The following NEK6 variants were observed in gnomAD, a reference collection of about 807,000 sequenced individuals.
NEK6 encodes the protein NIMA related kinase 6, also known as serine/threonine-protein kinase Nek6.
NEK6 carries 27 observed loss-of-function variants against 43.5 expected under a neutral mutation model. The ratio of observed to expected loss-of-function variants is 0.62; its 90% CI spans 0.46 to 0.86. NEK6 has a LOEUF of 0.86. NEK6 is among the 40% of genes least tolerant of loss of function. NEK6 has a pLI of 0.00. For synonymous variants in NEK6, 167 were observed against 164.1 expected (o/e 1.02, Z -0.14); for missense variants, 318 against 414.4 (o/e 0.77, Z 2.02).
At chr9:124,301,276 G>T (rs1455354061) in intron 1 of NEK6, among the ~76,000 whole-genome samples, 1 of 152,210 alleles carries the variant, frequency 6.6e-6, no homozygotes, top group Non-Finnish European at 1.5e-5. Context: ...CCAGGGGCCT[G>T]TGGCTGCTGT....
rs1470986687 is a variant in NEK6 at position 124,343,296 on chromosome 9, C to T, written c.717+3631C>T. Among the ~76,000 whole-genome samples the T allele has an allele frequency of 1.7e-5, 2 of 114,752 alleles. No homozygotes were observed. Among genetic ancestry groups the T allele is most frequent in the African/African-American group, 7.1e-5 (2 of 28,180 alleles). The allele number at this position is 114,752 out of a possible 152,430, so 75.3% of individuals were successfully genotyped here. On this transcript the variant is annotated intron_variant, in intron 8 of 9. Transcript: ENST00000320246. The surrounding 1 kb of genome is among the most constrained non-coding windows in gnomAD (Gnocchi z 5.1). ...GGATGGATCGCAGCTGGGGAGGTACCGATCGCAGCGAGGGGTGGTGTGGGG... is the reference window on the plus strand; with the variant it reads ...GGATGGATCGCAGCTGGGGAGGTACTGATCGCAGCGAGGGGTGGTGTGGGG...
chr9:124,339,546 A>AGCCCC, intron 7 of NEK6, 25 bp from the exon 8 acceptor site: 1 of 1,575,680 alleles, frequency 6.3e-7, no homozygotes, highest in Non-Finnish European at 8.7e-7. Context: ...GAGCATAAGC[A>AGCCCC]GCCCCGCCCC....
chr9:124,266,634 AG>A, intron 1 of NEK6, among the ~76,000 whole-genome samples: 1 of 152,336 alleles, frequency 6.6e-6, no homozygotes, highest in Non-Finnish European at 1.5e-5. Flanking sequence ...GCACTCTAGA[AG>A]GGGATGGGAC....
rs528649601 is a variant in NEK6, at chr9:124,272,075, T to A, written c.-30+13990T>A. On this transcript the variant is annotated intron_variant, in intron 1 of 9. Coordinates refer to ENST00000320246, the MANE Select transcript of NEK6 (RefSeq NM_014397.6). ...CTCTGGGGCAGTTTTCCCAATCTATTGTGGTAAGGGTGTATAGTCCTCAGT... is the reference window on the plus strand; with the variant it reads ...CTCTGGGGCAGTTTTCCCAATCTATAGTGGTAAGGGTGTATAGTCCTCAGT... Among the ~76,000 whole-genome samples, 14 of 152,306 alleles carry A rather than the reference T, an allele frequency of 9.2e-5. 1 individual carries two copies. Among genetic ancestry groups the A allele is most frequent in the Admixed American group, 8.5e-4 (13 of 15,302 alleles).
At chr9:124,328,311 G>A (rs1047709833) in intron 7 of NEK6, among the ~76,000 whole-genome samples, 2 of 152,160 alleles carry the variant, frequency 1.3e-5, no homozygotes, top group Admixed American at 1.3e-4. Flanking sequence ...TCTCCTGTGC[G>A]TTACTACAAG....
intron 7 of NEK6, among the ~76,000 whole-genome samples, chr9:124,329,770 AG>A (rs1301570645): frequency 6.6e-6 from 1 of 152,268 alleles, no homozygotes; most frequent in Non-Finnish European, 1.5e-5. Context: ...TCCAAGACCC[AG>A]GGGAAAGACC....
At chr9:124,266,787 G>A (rs1029566535) in intron 1 of NEK6, among the ~76,000 whole-genome samples, 4 of 152,216 alleles carry the variant, frequency 2.6e-5, no homozygotes, top group Admixed American at 2.6e-4. Flanking sequence ...TATATGGAGT[G>A]AACGAATCTG....
chr9:124,324,521 A>C lies in NEK6; in HGVS notation c.406-1809A>C, dbSNP rs986482857. Among the ~76,000 whole-genome samples, 7 of 152,200 alleles carry C rather than the reference A, an allele frequency of 4.6e-5. No homozygotes were observed. Among genetic ancestry groups the C allele is most frequent in the African/African-American group, 1.7e-4 (7 of 41,444 alleles). On this transcript the variant is annotated intron_variant, in intron 5 of 9. Coordinates refer to ENST00000320246, the MANE Select transcript of NEK6 (RefSeq NM_014397.6). This position sits in a 1 kb window ranked among gnomAD's most constrained non-coding sequence, Gnocchi z 5.3. ...AAATGTCAGACAGCGCTTATAGGAC[A>C]TGACATTTAGAAAATCACCACTCTC... is the stretch of plus-strand genomic sequence containing the variant.
intron 1 of NEK6, among the ~76,000 whole-genome samples, chr9:124,277,931 T>C (rs903970265): frequency 2.0e-5 from 3 of 152,196 alleles, no homozygotes; most frequent in African/African-American, 7.2e-5. Flanking sequence ...CATTTATTTG[T>C]TTATTTGGGT....
rs1035249140 is a variant in NEK6, at chr9:124,275,736, C to T, written c.-30+17651C>T. ...CACTTTCCTCTGTGGTCCCAGTGCTCAGCCCAGGGCCTGGCCTGGCAAAGG... is the reference window on the plus strand; with the variant it reads ...CACTTTCCTCTGTGGTCCCAGTGCTTAGCCCAGGGCCTGGCCTGGCAAAGG... On this transcript the variant is annotated intron_variant, in intron 1 of 9. Transcript: ENST00000320246. This position sits in a 1 kb window ranked among gnomAD's most constrained non-coding sequence, Gnocchi z 4.4. Among the ~76,000 whole-genome samples the T allele has an allele frequency of 1.3e-5, 2 of 152,260 alleles. No homozygotes were observed. Among genetic ancestry groups the T allele is most frequent in the African/African-American group, 4.8e-5 (2 of 41,472 alleles).
chr9:124,275,871 C>A lies in NEK6; in HGVS notation c.-30+17786C>A, dbSNP rs1831629902. Among the ~76,000 whole-genome samples, 1 of 152,246 alleles carries A rather than the reference C, an allele frequency of 6.6e-6. No homozygotes were observed. The highest frequency in any genetic ancestry group is 1.5e-5 in the Non-Finnish European group (1 of 68,048). On this transcript the variant is annotated intron_variant, in intron 1 of 9. Coordinates refer to ENST00000320246, the MANE Select transcript of NEK6 (RefSeq NM_014397.6). The surrounding 1 kb of genome is among the most constrained non-coding windows in gnomAD (Gnocchi z 4.4). ...GAGACCACTGTGTCCAAAGCCCAGG[C>A]CTTTTCTGGGGACAGATAGGTCAGC...
rs1372158895 is a variant in NEK6 at position 124,312,644 on chromosome 9, G to C, written c.226G>C (p.Val76Leu). The part of the protein sequence containing the change: ...LDRKTVALKK[V>L]QIFEMMDAKA... ...CAGGAAGACAGTGGCTCTGAAGAAG[G>C]TGCAGGTGAGCTGACAACCCGTGGG... The change falls in exon 3 of 10, where the codon GTG (valine) becomes CTG (leucine). Residue 76 changes from valine to leucine, a missense_variant. Physicochemically the swap from Val to Leu is conservative, Grantham distance 32. Transcript: ENST00000320246. 1 of 1,612,176 alleles carries C rather than the reference G, an allele frequency of 6.2e-7. No homozygotes were observed. Among genetic ancestry groups the C allele is most frequent in the Non-Finnish European group, 8.5e-7 (1 of 1,178,638 alleles).
chr9:124,301,628 A>G (rs1832979333), intron 1 of NEK6, among the ~76,000 whole-genome samples: 6 of 152,176 alleles, frequency 3.9e-5, no homozygotes, highest in Admixed American at 3.9e-4. Context: ...TTTGGACTCC[A>G]GCAAATGTGG....
At chr9:124,342,928 C>T (rs1829722400) in intron 8 of NEK6, among the ~76,000 whole-genome samples, 1 of 152,200 alleles carries the variant, frequency 6.6e-6, no homozygotes, top group African/African-American at 2.4e-5. Flanking sequence ...GCTCCCTCTG[C>T]CTGTGCCAGG....
chr9:124,271,294 C>T (rs1322564022), intron 1 of NEK6, among the ~76,000 whole-genome samples: 18 of 152,224 alleles, frequency 1.2e-4, no homozygotes, highest in Admixed American at 4.6e-4. Flanking sequence ...TCAGGAACAA[C>T]GCCAAACACG....
chr9:124,281,718 C>G (rs549264122), intron 1 of NEK6, among the ~76,000 whole-genome samples: 118 of 152,150 alleles, frequency 7.8e-4, no homozygotes, highest in Non-Finnish European at 1.5e-3. Context: ...AGGCTGATCT[C>G]GAACTCCCGA....
chr9:124,281,803 C>A (rs1368005395), intron 1 of NEK6, among the ~76,000 whole-genome samples: 2 of 152,188 alleles, frequency 1.3e-5, no homozygotes, highest in Non-Finnish European at 2.9e-5. Flanking sequence ...CCGGCCTGTC[C>A]TTTCTTTTAT....
chr9:124,307,213 T>G (rs1341903847), intron 2 of NEK6, among the ~76,000 whole-genome samples: 1 of 151,922 alleles, frequency 6.6e-6, no homozygotes, highest in African/African-American at 2.4e-5. Context: ...TGGGGGGTGT[T>G]TGTGGCCTAA....
intron 4 of NEK6, among the ~76,000 whole-genome samples, chr9:124,320,765 G>A (rs954183400): frequency 5.3e-5 from 8 of 152,248 alleles, no homozygotes; most frequent in East Asian, 1.9e-4. Flanking sequence ...CAAATCAGCC[G>A]GGCAGCTCTC....
Sources: allele counts gnomAD v4.1 joint callset (sites outside exome capture counted in the v4.1 genomes callset), GRCh38; gene constraint gnomAD v4.1.1; non-coding constraint Gnocchi (gnomAD v3.1); transcripts MANE v1.5; gene names NCBI Gene and HGNC (gene_info 2026-07-23, HGNC 2026-07-21).